RXRG: variants seen among roughly 807,000 people sequenced by gnomAD.
RXRG encodes retinoic acid receptor RXR-gamma.
In RXRG, 19 loss-of-function variants were observed where a neutral mutation model predicts 49.2. That is an observed-to-expected ratio of 0.39 (90% CI 0.27 to 0.57). The LOEUF is 0.57. Ranked by LOEUF, RXRG falls within the 20% of genes least tolerant of loss-of-function variation. RXRG has a pLI of 0.64. For missense variants in RXRG, 452 were observed against 592.5 expected (o/e 0.76, Z 2.46); for synonymous variants, 224 against 216.6 (o/e 1.03, Z -0.30).
intron 2 of RXRG, among the ~76,000 whole-genome samples, chr1:165,428,500 A>ACAGTCTCC (rs1396994265): frequency 6.6e-6 from 1 of 152,250 alleles, no homozygotes; most frequent in Non-Finnish European, 1.5e-5. Context: ...CCTTTTGGTC[A>ACAGTCTCC]CAGTCTCCTG....
rs56292139 is a variant in RXRG at position 165,420,103 on chromosome 1, A to T, written c.298-89T>A. ...GCAATGAGGGCTTACTCAAGAAAAA[A>T]CAAGTTCTATTTCAAGAAACAGTTT... On this transcript the variant is annotated intron_variant, in intron 2 of 9. Transcript: ENST00000359842. 9.9e-5 allele frequency: 106 copies of T among 1,073,232 alleles called. 1 individual carries two copies. The Admixed American group carries it at 1.8e-3, about 19-fold the overall frequency. 66.5% of individuals were successfully genotyped at this position (1,073,232 alleles called of 1,614,324 possible). A position where few individuals can be genotyped will look rare whatever the true frequency, so the allele number is the denominator to read the frequency against.
intron 6 of RXRG, among the ~76,000 whole-genome samples, chr1:165,410,116 T>C (rs1458252075): frequency 6.6e-6 from 1 of 152,302 alleles, no homozygotes; most frequent in East Asian, 1.9e-4. Context: ...CCCAACACAG[T>C]CTGTAGCTTT....
chr1:165,431,973 A>C (rs1658686620), intron 1 of RXRG, among the ~76,000 whole-genome samples: 1 of 152,252 alleles, frequency 6.6e-6, no homozygotes, highest in Non-Finnish European at 1.5e-5. Context: ...AAATTGATTT[A>C]AGAAAAAGTC....
chr1:165,421,965 G>A (rs185497572), intron 2 of RXRG, among the ~76,000 whole-genome samples: 5 of 152,132 alleles, frequency 3.3e-5, no homozygotes, highest in South Asian at 2.1e-4. Context: ...ACTTGGATCC[G>A]ACTCATGAAA....
chr1:165,434,052 G>A (rs1054096080), intron 1 of RXRG, among the ~76,000 whole-genome samples: 4 of 152,112 alleles, frequency 2.6e-5, no homozygotes, highest in South Asian at 2.1e-4. Context: ...ATTTGAGCAC[G>A]GAACATGACC....
intron 2 of RXRG, among the ~76,000 whole-genome samples, chr1:165,423,709 C>G (rs184012): frequency 0.96 from 139,719 of 145,010 alleles, 67,325 homozygotes; most frequent in East Asian, 1. Flanking sequence ...TTGCTGGGGG[C>G]GGTGGGGAGG....
At chr1:165,414,325 A>G (rs560200682) in intron 4 of RXRG, among the ~76,000 whole-genome samples, 2 of 152,374 alleles carry the variant, frequency 1.3e-5, no homozygotes, top group Admixed American at 1.3e-4. Flanking sequence ...CCCAAACCAT[A>G]GAAGTGTCTC....
intron 9 of RXRG, 152 bp from the exon 10 acceptor site, chr1:165,401,562 TAAA>T: frequency 1.2e-6 from 1 of 808,482 alleles, no homozygotes; most frequent in South Asian, 1.6e-5. Context: ...TCTCTAAGCC[TAAA>T]GAGCTTCAGA....
intron 3 of RXRG, 85 bp from the exon 4 acceptor site, chr1:165,417,305 C>G: frequency 7.8e-7 from 1 of 1,277,412 alleles, no homozygotes; most frequent in Non-Finnish European, 1.1e-6. Flanking sequence ...GCTCTTCCCC[C>G]AGAGAAACAG....
intron 8 of RXRG, among the ~76,000 whole-genome samples, chr1:165,407,866 AC>A (rs1468550785): frequency 1.4e-5 from 2 of 138,458 alleles, no homozygotes; most frequent in Non-Finnish European, 3.2e-5. Flanking sequence ...AAAAAAAAAA[AC>A]CCAGAGAGTC....
At position 165,437,267 on chromosome 1, in the gene RXRG, T is replaced by C. The variant is rs1658844921; in HGVS notation, c.49+7578A>G. ...GCCTGGCTAAGCATCTGCTTGTATA[T>C]GGGCTGTGTAAGACACCAAGAGCAT... is the stretch of plus-strand genomic sequence containing the variant. On this transcript the variant is annotated intron_variant, in intron 1 of 9. Transcript: ENST00000359842. 6 of 1,347,102 alleles carry C rather than the reference T, an allele frequency of 4.5e-6. 1 individual carries two copies. In the Admixed American group the frequency reaches 1.2e-4, roughly 26 times the overall value. 83.4% of individuals were successfully genotyped at this position (1,347,102 alleles called of 1,614,324 possible).
chr1:165,444,741 A>AG (rs1659106833), intron 1 of RXRG, 104 bp downstream of exon 1: 3 of 1,011,676 alleles, frequency 3.0e-6, no homozygotes, highest in Non-Finnish European at 4.7e-6. Flanking sequence ...ATAAACATAT[A>AG]TGTTCTCCTT....
chr1:165,440,032 C>A (rs1484588744), intron 1 of RXRG, among the ~76,000 whole-genome samples: 2 of 152,086 alleles, frequency 1.3e-5, no homozygotes, highest in Non-Finnish European at 2.9e-5. Context: ...GAGATAGAGT[C>A]AAGATGTGGA....
rs12079442 is a variant in RXRG, at chr1:165,425,356, C to G, written c.297+3363G>C. Among the ~76,000 whole-genome samples, 16 of 152,152 alleles carry G rather than the reference C, an allele frequency of 1.1e-4. No homozygotes were observed. The East Asian group carries it at 1.9e-3, about 18-fold the overall frequency. ...ATTCCTTAGGTTTTTGCCTGTCCTGCCTGCTATTGTGTGATTGCCATGAGA... is the reference window on the plus strand; with the variant it reads ...ATTCCTTAGGTTTTTGCCTGTCCTGGCTGCTATTGTGTGATTGCCATGAGA... On this transcript the variant is annotated intron_variant, in intron 2 of 9. Transcript: ENST00000359842.
rs1274993948 is a variant in RXRG at position 165,406,828 on chromosome 1, G to A, written c.1228C>T (p.Pro410Ser). The change falls in exon 9 of 10, where the codon CCG becomes TCG. Residue 410 changes from proline (P) to serine (S), a missense_variant. Physicochemically the swap from Pro to Ser is moderately conservative, Grantham distance 74. Coordinates refer to ENST00000359842, the MANE Select transcript of RXRG (RefSeq NM_006917.5). ...TLEAYTKQKY[P>S]EQPGRFAKLL... ...CTGTCTCACCTGCCTGGCTGTTCCG[G>A]ATACTTCTGCTTGGTGTAGGCCTCA... 6.2e-7 allele frequency: 1 copy of A among 1,613,590 alleles called. No individual in the cohort carries two copies. The highest frequency in any genetic ancestry group is 1.3e-5 in the African/African-American group (1 of 75,006).
At chr1:165,420,329 C>T (rs1658269706) in intron 2 of RXRG, among the ~76,000 whole-genome samples, 1 of 152,186 alleles carries the variant, frequency 6.6e-6, no homozygotes, top group Admixed American at 6.5e-5. Context: ...AAATTACACA[C>T]CCAGGACAAT....
At chr1:165,433,562 A>G (rs1186841012) in intron 1 of RXRG, among the ~76,000 whole-genome samples, 1 of 152,252 alleles carries the variant, frequency 6.6e-6, no homozygotes, top group Non-Finnish European at 1.5e-5. Flanking sequence ...GCGCTAGTGG[A>G]GTTCCTCAAA....
chr1:165,411,644 G>A (rs1439311448), intron 4 of RXRG, among the ~76,000 whole-genome samples: 3 of 152,142 alleles, frequency 2.0e-5, no homozygotes, highest in African/African-American at 7.2e-5. Context: ...AGCCAGCTGT[G>A]GGTATTTAGT....
chr1:165,415,035 CAAGAT>C (rs1438513519), intron 4 of RXRG, among the ~76,000 whole-genome samples: 5 of 152,092 alleles, frequency 3.3e-5, no homozygotes, highest in African/African-American at 1.2e-4. Flanking sequence ...AGACAGTAAA[CAAGAT>C]AAGTACAAGT....
Sources: allele counts gnomAD v4.1 joint callset (sites outside exome capture counted in the v4.1 genomes callset), GRCh38; gene constraint gnomAD v4.1.1; transcripts MANE v1.5; gene names NCBI Gene and HGNC (gene_info 2026-07-23, HGNC 2026-07-21).